The following SLC16A7 variants were observed in gnomAD, a reference collection of about 807,000 sequenced individuals.
SLC16A7 encodes the protein monocarboxylate transporter 2.
SLC16A7 carries 33 observed loss-of-function variants against 34.9 expected under a neutral mutation model. The observed-to-expected ratio is 0.94, with a 90% CI of 0.72 to 1.26. The LOEUF is 1.26. Among genes scored for constraint, SLC16A7 ranks in the 50% most tolerant of loss-of-function variants. The pLI is 0.00. For synonymous variants in SLC16A7, 201 were observed against 206.6 expected (o/e 0.97, Z 0.23); for missense variants, 573 against 578.1 (o/e 0.99, Z 0.09).
intron 3 of SLC16A7, among the ~76,000 whole-genome samples, chr12:59,735,295 G>T (rs777083942): frequency 1.3e-5 from 2 of 152,136 alleles, no homozygotes; most frequent in Non-Finnish European, 2.9e-5. Flanking sequence ...CAAAGTTGGT[G>T]TATTTCATTG....
At chr12:59,613,681 G>T (rs1235748509) in intron 1 of SLC16A7, among the ~76,000 whole-genome samples, 5 of 152,058 alleles carry the variant, frequency 3.3e-5, no homozygotes, top group Non-Finnish European at 2.9e-5. Flanking sequence ...CCACTCAATG[G>T]TATTTTATAG....
At chr12:59,679,230 C>T (rs1262739766) in intron 2 of SLC16A7, among the ~76,000 whole-genome samples, 1 of 152,194 alleles carries the variant, frequency 6.6e-6, no homozygotes, top group Non-Finnish European at 1.5e-5. Context: ...CCAGCCATGG[C>T]TCAGTGGCCA....
chr12:59,710,083 C>G (rs1234567115), intron 3 of SLC16A7, among the ~76,000 whole-genome samples: 2 of 151,534 alleles, frequency 1.3e-5, no homozygotes, highest in African/African-American at 4.9e-5. Context: ...ATGAGATAGC[C>G]TTAGTCAATT....
chr12:59,609,901 A>G (rs1879116004), intron 1 of SLC16A7, among the ~76,000 whole-genome samples: 1 of 152,184 alleles, frequency 6.6e-6, no homozygotes, highest in Non-Finnish European at 1.5e-5. Flanking sequence ...AAGGCAGGTA[A>G]CAAACTTGGT....
intron 2 of SLC16A7, among the ~76,000 whole-genome samples, chr12:59,660,163 T>G (rs1868765176): frequency 6.6e-6 from 1 of 151,990 alleles, no homozygotes. Flanking sequence ...TTTAAAAAAC[T>G]CTTTTTTTAA....
At chr12:59,628,200 C>T (rs1880010853) in intron 1 of SLC16A7, among the ~76,000 whole-genome samples, 1 of 151,782 alleles carries the variant, frequency 6.6e-6, no homozygotes, top group Non-Finnish European at 1.5e-5. Flanking sequence ...CAAATTTAAT[C>T]TTATTCCTCC....
chr12:59,771,945 T>C (rs923185319), intron 4 of SLC16A7, among the ~76,000 whole-genome samples: 3 of 152,156 alleles, frequency 2.0e-5, no homozygotes, highest in Admixed American at 6.6e-5. Context: ...AACACAAATA[T>C]TAAAAATGAC....
At chr12:59,609,913 C>T (rs1879116546) in intron 1 of SLC16A7, among the ~76,000 whole-genome samples, 1 of 152,110 alleles carries the variant, frequency 6.6e-6, no homozygotes, top group Non-Finnish European at 1.5e-5. Context: ...AAACTTGGTG[C>T]TAAGTGTGTG....
chr12:59,768,758 A>G (rs186167144), intron 3 of SLC16A7, among the ~76,000 whole-genome samples: 195 of 152,212 alleles, frequency 1.3e-3, no homozygotes, highest in African/African-American at 4.5e-3. Context: ...GCATTTAGGG[A>G]GGCTGAGGTG....
chr12:59,709,408 C>T lies in SLC16A7; in HGVS notation c.217+4390C>T, dbSNP rs962659470. On this transcript the variant is annotated intron_variant, in intron 3 of 5. Transcript: ENST00000547379. Reference sequence around the variant, plus strand: ...ACACTGAGCTTATTTTACTGGAGGCCGAGAAGCAAAAGGCTTTAACATAGC... The same window carrying T: ...ACACTGAGCTTATTTTACTGGAGGCTGAGAAGCAAAAGGCTTTAACATAGC... 8.6e-5 allele frequency among the ~76,000 whole-genome samples: 13 copies of T among 151,354 alleles called. 1 individual carries two copies. The highest frequency in any genetic ancestry group is 2.7e-4 in the African/African-American group (11 of 40,800).
intron 2 of SLC16A7, among the ~76,000 whole-genome samples, chr12:59,670,490 C>G (rs1267938884): frequency 1.3e-5 from 2 of 152,116 alleles, no homozygotes; most frequent in African/African-American, 4.8e-5. Flanking sequence ...AATGTCTTAA[C>G]CATTCCAACA....
chr12:59,628,218 A>G (rs1392014929), intron 1 of SLC16A7, among the ~76,000 whole-genome samples: 1 of 151,850 alleles, frequency 6.6e-6, no homozygotes, highest in African/African-American at 2.4e-5. Context: ...TCCCATGCTT[A>G]AAACCCCATA....
In SLC16A7 at chr12:59,784,186, T is replaced by G. The variant is rs1883454673; in HGVS notation, c.*4507T>G. ...TTTTATGAATAAATAATTCCCAGAT[T>G]GGTTGCTACATATCATGATTCAAAA... is the stretch of plus-strand genomic sequence containing the variant. On this transcript the variant is annotated 3_prime_UTR_variant, in exon 6 of 6. Coordinates refer to ENST00000547379, the MANE Select transcript of SLC16A7 (RefSeq NM_001270623.2). 1 of 152,152 alleles carries G rather than the reference T, an allele frequency of 6.6e-6. No homozygotes were observed. The highest frequency in any genetic ancestry group is 2.4e-5 in the African/African-American group (1 of 41,426). The allele number at this position is 152,152 out of a possible 1,614,324, so 9.4% of individuals were successfully genotyped here.
Position 59,784,549 on chromosome 12 carries a change from C to T in SLC16A7, c.*4870C>T, listed in dbSNP as rs1057024811. ...TCATTTAATACAACTTACCCTACAC[C>T]GTAGCTTATTTTTCAAGTTTCTCTG... is the stretch of plus-strand genomic sequence containing the variant. On this transcript the variant is annotated 3_prime_UTR_variant, in exon 6 of 6. Transcript: ENST00000547379. 2 of 152,204 alleles carry T rather than the reference C, an allele frequency of 1.3e-5. No homozygotes were observed. The highest frequency in any genetic ancestry group is 3.9e-4 in the East Asian group (2 of 5,194). The allele number at this position is 152,204 out of a possible 1,614,324, so 9.4% of individuals were successfully genotyped here.
chr12:59,773,394 T>TG (rs1346760191), intron 4 of SLC16A7, among the ~76,000 whole-genome samples: 1 of 152,118 alleles, frequency 6.6e-6, no homozygotes, highest in Non-Finnish European at 1.5e-5. Flanking sequence ...CACAGACCTG[T>TG]GTATTTCACA....
intron 2 of SLC16A7, among the ~76,000 whole-genome samples, chr12:59,681,234 T>C (rs1287203767): frequency 6.6e-6 from 1 of 152,218 alleles, no homozygotes; most frequent in Admixed American, 6.5e-5. Context: ...GAACCTCAAA[T>C]TTTCCTGCAG....
In SLC16A7 at chr12:59,615,753, C is replaced by T. The variant is rs117047467; in HGVS notation, c.-130+19517C>T. Reference sequence around the variant, plus strand: ...CCTGTTGCTGAAATAGTGTCCTAAACAGCATAAAGATGCTTGTGTAGCTGA... The same window carrying T: ...CCTGTTGCTGAAATAGTGTCCTAAATAGCATAAAGATGCTTGTGTAGCTGA... On this transcript the variant is annotated intron_variant, in intron 1 of 5. Coordinates refer to ENST00000547379, the MANE Select transcript of SLC16A7 (RefSeq NM_001270623.2). Among the ~76,000 whole-genome samples the T allele has an allele frequency of 3.9e-3, 598 of 152,332 alleles. 1 individual carries two copies. Among genetic ancestry groups the T allele is most frequent in the Non-Finnish European group, 7.0e-3 (473 of 68,026 alleles).
intron 1 of SLC16A7, among the ~76,000 whole-genome samples, chr12:59,630,925 G>T (rs147494228): frequency 2.0e-5 from 3 of 151,878 alleles, no homozygotes; most frequent in Non-Finnish European, 1.5e-5. Context: ...TCAAGGACAA[G>T]TAACTGAAAA....
chr12:59,665,914 G>T (rs572278500), intron 2 of SLC16A7, among the ~76,000 whole-genome samples: 3 of 151,870 alleles, frequency 2.0e-5, no homozygotes, highest in Non-Finnish European at 2.9e-5. Context: ...AGTATCCAAA[G>T]CCAAAAAGCT....
Sources: gnomAD v4.1 joint callset for allele counts (sites outside exome capture counted in the v4.1 genomes callset) on GRCh38, gnomAD v4.1.1 for gene constraint, MANE v1.5 for transcripts, NCBI Gene and HGNC (gene_info 2026-07-23, HGNC 2026-07-21) for gene names.